The following ARFIP1 variants were observed in gnomAD, a reference collection of about 807,000 sequenced individuals.
ARFIP1 encodes the protein arfaptin-1.
In ARFIP1, 24 loss-of-function variants were observed where a neutral mutation model predicts 42.5. The ratio of observed to expected loss-of-function variants is 0.57; its 90% CI spans 0.41 to 0.80. The LOEUF (loss-of-function observed/expected upper bound fraction) is 0.80. ARFIP1 is among the 30% of genes least tolerant of loss of function. The pLI, the probability that ARFIP1 is intolerant of heterozygous loss-of-function variation, is 0.00. For missense variants in ARFIP1, 354 were observed against 434.0 expected, an observed-to-expected ratio of 0.82 and a Z score of 1.64; for synonymous variants, 141 against 153.7, an observed-to-expected ratio of 0.92 and a Z score of 0.61.
At chr4:152,833,945 G>T (rs1279539582) in intron 2 of ARFIP1, among the ~76,000 whole-genome samples, 1 of 152,156 alleles carries the variant, frequency 6.6e-6, no homozygotes, top group Non-Finnish European at 1.5e-5. Context: ...TTTTGTTTTG[G>T]CTCACAGTTC....
chr4:152,806,837 TTTTC>T (rs1462967240), intron 1 of ARFIP1, among the ~76,000 whole-genome samples: 2 of 150,470 alleles, frequency 1.3e-5, no homozygotes, highest in Non-Finnish European at 2.9e-5. Context: ...TTTTTTTTCT[TTTTC>T]TTTCTTTTTT....
At chr4:152,882,682 G>C (rs768120394) in intron 6 of ARFIP1, 41 bp from the exon 7 acceptor site, 42 of 1,580,342 alleles carry the variant, frequency 2.7e-5, no homozygotes, top group Admixed American at 3.5e-5. Flanking sequence ...CACTTTTACT[G>C]ATTTATTACT....
intron 8 of ARFIP1, among the ~76,000 whole-genome samples, chr4:152,906,647 A>G (rs1270501583): frequency 6.6e-6 from 1 of 152,188 alleles, no homozygotes; most frequent in Non-Finnish European, 1.5e-5. Flanking sequence ...CATGTTTATT[A>G]AATTAAGTGT....
At chr4:152,836,415 G>C (rs1471064840) in intron 2 of ARFIP1, among the ~76,000 whole-genome samples, 2 of 152,098 alleles carry the variant, frequency 1.3e-5, no homozygotes, top group African/African-American at 4.8e-5. Flanking sequence ...AATTTTAATT[G>C]TCAATTATAC....
intron 1 of ARFIP1, among the ~76,000 whole-genome samples, chr4:152,818,385 T>G (rs1730078379): frequency 6.6e-6 from 1 of 152,168 alleles, no homozygotes; most frequent in African/African-American, 2.4e-5. Flanking sequence ...GCACTGGAGC[T>G]GATTTAGTGA....
At chr4:152,905,555 T>G (rs1230171827) in intron 8 of ARFIP1, among the ~76,000 whole-genome samples, 2 of 115,650 alleles carry the variant, frequency 1.7e-5, no homozygotes, top group African/African-American at 3.2e-5. Context: ...GTTTTTTTTT[T>G]TTTTTTTTTT....
intron 1 of ARFIP1, among the ~76,000 whole-genome samples, chr4:152,781,257 A>T (rs1730476578): frequency 9.1e-6 from 1 of 109,450 alleles, no homozygotes. Flanking sequence ...TTTTTTTGAG[A>T]CAGAGTCTCA....
intron 5 of ARFIP1, among the ~76,000 whole-genome samples, chr4:152,873,070 T>G (rs1735020492): frequency 6.6e-6 from 1 of 152,244 alleles, no homozygotes; most frequent in Non-Finnish European, 1.5e-5. Context: ...ATTATTTTTC[T>G]TATGCCCTCC....
At chr4:152,815,738 C>T (rs201786359) in intron 1 of ARFIP1, among the ~76,000 whole-genome samples, 2 of 85,548 alleles carry the variant, frequency 2.3e-5, no homozygotes, top group Non-Finnish European at 4.4e-5. Flanking sequence ...CTGACCACTT[C>T]TTTTTTTTTT....
intron 8 of ARFIP1, 79 bp downstream of exon 8, chr4:152,888,386 G>A: frequency 9.8e-7 from 1 of 1,025,160 alleles, no homozygotes; most frequent in Non-Finnish European, 1.4e-6. Context: ...TTCTGTTTCT[G>A]TTAACTCTCT....
At chr4:152,866,267 T>A (rs1032450397) in intron 3 of ARFIP1, among the ~76,000 whole-genome samples, 1 of 152,244 alleles carries the variant, frequency 6.6e-6, no homozygotes, top group Non-Finnish European at 1.5e-5. Context: ...CATGTCTACT[T>A]CTTTCTACAC....
At chr4:152,819,448 G>T (rs1470127046) in intron 1 of ARFIP1, among the ~76,000 whole-genome samples, 1 of 152,134 alleles carries the variant, frequency 6.6e-6, no homozygotes, top group Admixed American at 6.5e-5. Context: ...CGGAGCTGCT[G>T]CTGGTACCTG....
intron 3 of ARFIP1, among the ~76,000 whole-genome samples, chr4:152,865,018 GT>G (rs2149877620): frequency 6.7e-6 from 1 of 149,394 alleles, no homozygotes; most frequent in South Asian, 2.1e-4. Context: ...AGTAGCTACA[GT>G]TTATGTTCAG....
intron 2 of ARFIP1, among the ~76,000 whole-genome samples, chr4:152,852,118 A>G (rs1359487750): frequency 6.6e-6 from 1 of 152,234 alleles, no homozygotes; most frequent in African/African-American, 2.4e-5. Context: ...GGTTTATCCC[A>G]TTTTATTATA....
rs549709440 is a variant in ARFIP1 at position 152,911,092 on chromosome 4, T to C, written c.*873T>C. ...TAGACAGCTTTTATTGACTTCCATA[T>C]GTAACAATACCGTTTAAGCCTTAAA... On this transcript the variant is annotated 3_prime_UTR_variant, in exon 9 of 9. Transcript: ENST00000353617. 6.6e-6 allele frequency: 1 copy of C among 152,654 alleles called. No individual in the cohort carries two copies. The highest frequency in any genetic ancestry group is 2.1e-4 in the South Asian group (1 of 4,824). The allele number at this position is 152,654 out of a possible 1,614,324, so 9.5% of individuals were successfully genotyped here.
At chr4:152,882,182 A>T (rs1268628347) in intron 6 of ARFIP1, among the ~76,000 whole-genome samples, 5 of 152,168 alleles carry the variant, frequency 3.3e-5, no homozygotes, top group Admixed American at 1.3e-4. Flanking sequence ...GTGTTGAGTG[A>T]TCCTTCCTCA....
intron 1 of ARFIP1, among the ~76,000 whole-genome samples, chr4:152,824,616 C>G (rs1730666670): frequency 6.6e-6 from 1 of 152,166 alleles, no homozygotes; most frequent in Admixed American, 6.5e-5. Context: ...AGTATTCCCC[C>G]TAAGGACTGG....
At chr4:152,842,967 T>G (rs1488995158) in intron 2 of ARFIP1, among the ~76,000 whole-genome samples, 1 of 152,112 alleles carries the variant, frequency 6.6e-6, no homozygotes, top group Non-Finnish European at 1.5e-5. Flanking sequence ...ACTTGTGTGA[T>G]TTTTTGGGGG....
chr4:152,842,786 C>G (rs781349301), intron 2 of ARFIP1, among the ~76,000 whole-genome samples: 4 of 151,970 alleles, frequency 2.6e-5, no homozygotes, highest in Non-Finnish European at 1.5e-5. Flanking sequence ...TTCCTTTATA[C>G]TATCTATTTC....
Sources: gnomAD v4.1 joint callset for allele counts (sites outside exome capture counted in the v4.1 genomes callset) on GRCh38, gnomAD v4.1.1 for gene constraint, MANE v1.5 for transcripts, NCBI Gene and HGNC (gene_info 2026-07-23, HGNC 2026-07-21) for gene names.